The following PPME1 variants were observed in gnomAD, a reference collection of about 807,000 sequenced individuals.
The protein encoded by PPME1 is testicular secretory protein Li 39.
PPME1 carries 17 observed loss-of-function variants against 56.9 expected under a neutral mutation model. That is an observed-to-expected ratio of 0.30 (90% confidence interval 0.20 to 0.45). The LOEUF (loss-of-function observed/expected upper bound fraction) is 0.45. Among genes scored for constraint, PPME1 ranks in the 20% least tolerant of loss-of-function variants. The pLI, the probability that PPME1 is intolerant of heterozygous loss-of-function variation, is 1.00. For synonymous variants in PPME1, 122 were observed against 156.2 expected, an observed-to-expected ratio of 0.78 and a Z score of 1.63; for missense variants, 357 against 483.2, an observed-to-expected ratio of 0.74 and a Z score of 2.45.
chr11:74,213,282 T>C (rs1288346626), intron 3 of PPME1, among the ~76,000 whole-genome samples: 1 of 152,164 alleles, frequency 6.6e-6, no homozygotes, highest in Non-Finnish European at 1.5e-5. Flanking sequence ...GGAAGGACTT[T>C]GTCTTGTGAC....
intron 3 of PPME1, among the ~76,000 whole-genome samples, chr11:74,220,447 G>T (rs1161079278): frequency 1.3e-5 from 2 of 152,174 alleles, no homozygotes; most frequent in African/African-American, 2.4e-5. Flanking sequence ...TTGCCCCTGG[G>T]CAGTAGTATT....
chr11:74,205,593 G>T (rs1858306813), intron 3 of PPME1: 1 of 152,202 alleles, frequency 6.6e-6, no homozygotes, highest in Non-Finnish European at 1.5e-5. Flanking sequence ...GATTATTGGG[G>T]TTAAGTTTAA....
At chr11:74,249,828 T>TA (rs1859608299) in intron 11 of PPME1, 1 of 152,100 alleles carries the variant, frequency 6.6e-6, no homozygotes, top group Non-Finnish European at 1.5e-5. Flanking sequence ...ATTAACAACT[T>TA]TAGGAGCTAG....
chr11:74,228,689 A>G (rs780401441), intron 5 of PPME1, among the ~76,000 whole-genome samples: 1 of 152,216 alleles, frequency 6.6e-6, no homozygotes, highest in Non-Finnish European at 1.5e-5. Flanking sequence ...GAGAAAATGC[A>G]ATAATATTTT....
At chr11:74,239,529 G>GA (rs551196114) in intron 9 of PPME1, among the ~76,000 whole-genome samples, 307 of 149,006 alleles carry the variant, frequency 2.1e-3, no homozygotes, top group Non-Finnish European at 3.3e-3. Flanking sequence ...CCTCCCATGA[G>GA]AAAAATTCCA....
chr11:74,193,235 A>C (rs1857890022), intron 1 of PPME1, among the ~76,000 whole-genome samples: 1 of 152,276 alleles, frequency 6.6e-6, no homozygotes, highest in Non-Finnish European at 1.5e-5. Context: ...ATCAGGAATG[A>C]TGGTGATGCC....
chr11:74,197,493 C>A (rs191523794), intron 1 of PPME1, among the ~76,000 whole-genome samples: 1 of 152,146 alleles, frequency 6.6e-6, no homozygotes, highest in East Asian at 1.9e-4. Context: ...TTGAGAGTAA[C>A]CAAGAGATGA....
intron 3 of PPME1, chr11:74,205,220 T>C (rs1206165092): frequency 6.6e-6 from 1 of 152,254 alleles, no homozygotes; most frequent in African/African-American, 2.4e-5. Context: ...TATATTTTAA[T>C]GGTGCTTGTT....
rs939348134 is a variant in PPME1, at chr11:74,254,583, C to G, written c.*1073C>G. ...TGTCTTAGGTGATGTGTAGCCCCCTCCACCTTTCCACTCAACAACCTCCCA... is the reference window on the plus strand; with the variant it reads ...TGTCTTAGGTGATGTGTAGCCCCCTGCACCTTTCCACTCAACAACCTCCCA... On this transcript the variant is annotated 3_prime_UTR_variant, in exon 14 of 14. Transcript: ENST00000328257. 7.8e-5 allele frequency: 12 copies of G among 153,198 alleles called. No homozygotes were observed. Among genetic ancestry groups the G allele is most frequent in the Admixed American group, 2.6e-4 (4 of 15,286 alleles). The allele number at this position is 153,198 out of a possible 1,614,324, so 9.5% of individuals were successfully genotyped here. A position where few individuals can be genotyped will look rare whatever the true frequency, so the allele number is the denominator to read the frequency against.
intron 13 of PPME1, among the ~76,000 whole-genome samples, chr11:74,252,196 T>TACTC (rs1339549782): frequency 6.8e-6 from 1 of 147,358 alleles, no homozygotes; most frequent in East Asian, 2.0e-4. Flanking sequence ...GTCTCCCGAG[T>TACTC]AGCTGGGATC....
chr11:74,223,011 A>G (rs1858838998), intron 4 of PPME1, among the ~76,000 whole-genome samples: 1 of 151,308 alleles, frequency 6.6e-6, no homozygotes, highest in African/African-American at 2.4e-5. Context: ...TTACATATGT[A>G]TACATGTGCC....
chr11:74,235,682 A>C, intron 7 of PPME1: 1 of 606,334 alleles, frequency 1.6e-6, no homozygotes, highest in Non-Finnish European at 2.6e-6. Context: ...CTTGATAAAT[A>C]TCTGCAGAAC....
chr11:74,206,775 C>T (rs982975352), intron 3 of PPME1, among the ~76,000 whole-genome samples: 11 of 152,064 alleles, frequency 7.2e-5, no homozygotes, highest in Non-Finnish European at 1.5e-4. Context: ...CTGTGTTCCC[C>T]AGGGTGGTGT....
chr11:74,172,247 A>G (rs1007637787), intron 1 of PPME1, among the ~76,000 whole-genome samples: 4 of 151,980 alleles, frequency 2.6e-5, no homozygotes, highest in Non-Finnish European at 4.4e-5. Context: ...AGGGAGAGAG[A>G]AGAAGGAGAG....
intron 9 of PPME1, among the ~76,000 whole-genome samples, chr11:74,242,609 A>G (rs913393937): frequency 2.0e-5 from 3 of 152,044 alleles, no homozygotes; most frequent in Non-Finnish European, 4.4e-5. Context: ...GGTTGGGTGC[A>G]GTGGCTCATG....
rs140265959 is a variant in PPME1, at chr11:74,208,220, G to A, written c.288+3775G>A. ...CCAGCTACTAGGGAAGCTGAGGCAG[G>A]AGAAACGCTTGAACACGGGGGGCAG... On this transcript the variant is annotated intron_variant, in intron 3 of 13. Transcript: ENST00000328257. Among the ~76,000 whole-genome samples the A allele has an allele frequency of 2.1e-3, 322 of 151,902 alleles. 2 individuals are homozygous for A. Among genetic ancestry groups the A allele is most frequent in the Middle Eastern group, 6.8e-3 (2 of 294 alleles).
rs1858243784 is a variant in PPME1, at chr11:74,203,760, C to T, written c.134C>T (p.Pro45Leu). 1 of 1,612,072 alleles carries T rather than the reference C, an allele frequency of 6.2e-7. No individual in the cohort carries two copies. Among genetic ancestry groups the T allele is most frequent in the Middle Eastern group, 1.7e-4 (1 of 6,058 alleles). The change falls in exon 2 of 14, where the codon CCT becomes CTT. Residue 45 changes from proline to leucine, a missense_variant. By Grantham distance (98) the Pro-to-Leu change is moderately conservative. Transcript: ENST00000328257. ...PGRKRDFSPV[P>L]WSQYFESMED... ...AGAAAGCGGGACTTTTCCCCTGTTC[C>T]TTGGAGTCAGTATTTTGAGTCCATG...
At chr11:74,231,217 C>T (rs1238053410) in intron 7 of PPME1, among the ~76,000 whole-genome samples, 1 of 152,146 alleles carries the variant, frequency 6.6e-6, no homozygotes, top group African/African-American at 2.4e-5. Flanking sequence ...ACCACCAAGC[C>T]TGGCTAATTT....
chr11:74,187,686 C>T (rs1857722035), intron 1 of PPME1, among the ~76,000 whole-genome samples: 1 of 152,060 alleles, frequency 6.6e-6, no homozygotes, highest in Non-Finnish European at 1.5e-5. Flanking sequence ...ATATACAAGT[C>T]CAAGTTTAAT....
Sources: gnomAD v4.1 joint callset for allele counts (sites outside exome capture counted in the v4.1 genomes callset) on GRCh38, gnomAD v4.1.1 for gene constraint, MANE v1.5 for transcripts, NCBI Gene and HGNC (gene_info 2026-07-23, HGNC 2026-07-21) for gene names.